Variants in EXTL3 observed in about 807,000 individuals in gnomAD.
EXTL3 encodes exostosin-like 3.
In EXTL3, 27 loss-of-function variants were observed where a neutral mutation model predicts 69.3. The observed-to-expected ratio is 0.39, with a 90% CI of 0.29 to 0.54. EXTL3 has a LOEUF of 0.54. EXTL3 is among the 20% of genes least tolerant of loss of function. The pLI, the probability that EXTL3 is intolerant of heterozygous loss-of-function variation, is 0.69. For synonymous variants in EXTL3, 511 were observed against 499.4 expected, an observed-to-expected ratio of 1.02 and a Z score of -0.31; for missense variants, 1,003 against 1,231.8, an observed-to-expected ratio of 0.81 and a Z score of 2.78.
chr8:28,714,342 A>G (rs1354432304), intron 2 of EXTL3, among the ~76,000 whole-genome samples: 1 of 152,226 alleles, frequency 6.6e-6, no homozygotes, highest in Non-Finnish European at 1.5e-5. Context: ...CTGAAACATA[A>G]TTAAAATTAT....
At chr8:28,685,241 TG>T (rs2130666921) in intron 1 of EXTL3, among the ~76,000 whole-genome samples, 1 of 152,258 alleles carries the variant, frequency 6.6e-6, no homozygotes, top group East Asian at 1.9e-4. Context: ...TGAGCCACCA[TG>T]CCCAGCCAAG....
intron 1 of EXTL3, among the ~76,000 whole-genome samples, chr8:28,682,270 G>A (rs1221914488): frequency 6.6e-6 from 1 of 152,006 alleles, no homozygotes; most frequent in Admixed American, 6.6e-5. Flanking sequence ...TATCTGTTCA[G>A]GTCCTTTGCT....
At chr8:28,681,778 G>A (rs1356113438) in intron 1 of EXTL3, among the ~76,000 whole-genome samples, 1 of 151,808 alleles carries the variant, frequency 6.6e-6, no homozygotes. Context: ...TATAGGCTGG[G>A]CATGGTAGCT....
chr8:28,699,264 A>C (rs1252590128), upstream of EXTL3, among the ~76,000 whole-genome samples: 1 of 152,230 alleles, frequency 6.6e-6, no homozygotes, highest in Non-Finnish European at 1.5e-5. Context: ...TCTGCTGTAA[A>C]GGACCAGCTT....
chr8:28,643,535 C>G (rs1046078010), intron 1 of EXTL3, among the ~76,000 whole-genome samples: 5 of 151,930 alleles, frequency 3.3e-5, no homozygotes, highest in African/African-American at 1.2e-4. Flanking sequence ...CTGCCTCAGC[C>G]TCCCGAGTAG....
intron 1 of EXTL3, among the ~76,000 whole-genome samples, chr8:28,668,114 A>G (rs1291596761): frequency 1.3e-5 from 2 of 151,748 alleles, no homozygotes; most frequent in Non-Finnish European, 2.9e-5. Flanking sequence ...TAAAACTGAA[A>G]AAATTATTCG....
chr8:28,665,893 A>G (rs1807189439), intron 1 of EXTL3, among the ~76,000 whole-genome samples: 1 of 152,206 alleles, frequency 6.6e-6, no homozygotes, highest in Non-Finnish European at 1.5e-5. Context: ...AGCTTTAATG[A>G]ATTATCCTAA....
chr8:28,699,756 C>T, upstream of EXTL3: 1 of 152,270 alleles, frequency 6.6e-6, no homozygotes, highest in East Asian at 1.9e-4. Flanking sequence ...ATCCACCTGC[C>T]TGGGCCTCCC....
At chr8:28,651,722 C>A (rs1806923922) in intron 1 of EXTL3, among the ~76,000 whole-genome samples, 2 of 152,210 alleles carry the variant, frequency 1.3e-5, no homozygotes, top group Non-Finnish European at 2.9e-5. Flanking sequence ...AAATTTCCCA[C>A]TTAAGCCACT....
chr8:28,681,505 G>A (rs1274946914), intron 1 of EXTL3, among the ~76,000 whole-genome samples: 1 of 151,870 alleles, frequency 6.6e-6, no homozygotes, highest in Non-Finnish European at 1.5e-5. Context: ...ATGACAGAGC[G>A]AGACTCTGTC....
At chr8:28,671,160 T>A (rs973232149) in intron 1 of EXTL3, among the ~76,000 whole-genome samples, 4 of 151,974 alleles carry the variant, frequency 2.6e-5, no homozygotes, top group African/African-American at 9.7e-5. Context: ...TTTTGTATTT[T>A]TAGTAGAGAC....
chr8:28,635,392 TAAAAA>T (rs372980960), intron 1 of EXTL3, among the ~76,000 whole-genome samples: 12,479 of 114,290 alleles, frequency 0.11, 1,843 homozygotes, highest in African/African-American at 0.36. Flanking sequence ...ACTGGTCTCT[TAAAAA>T]AAAAAAAAAA....
chr8:28,620,836 C>A (rs1806401797), upstream of EXTL3, among the ~76,000 whole-genome samples: 2 of 152,244 alleles, frequency 1.3e-5, no homozygotes, highest in Non-Finnish European at 2.9e-5. Flanking sequence ...CCTGCCTCAG[C>A]CTACTAAGTA....
At chr8:28,732,172 C>T (rs1801551126) in intron 4 of EXTL3, among the ~76,000 whole-genome samples, 1 of 152,034 alleles carries the variant, frequency 6.6e-6, no homozygotes, top group Non-Finnish European at 1.5e-5. Context: ...CTGAAGGATC[C>T]CACTTGAGGG....
chr8:28,636,936 C>T (rs1349074901), intron 1 of EXTL3, among the ~76,000 whole-genome samples: 1 of 151,584 alleles, frequency 6.6e-6, no homozygotes, highest in East Asian at 1.9e-4. Flanking sequence ...AAGCTGAGAT[C>T]CCGCCATTGC....
chr8:28,630,240 T>TGCACA (rs1806552517), intron 1 of EXTL3, among the ~76,000 whole-genome samples: 2 of 152,174 alleles, frequency 1.3e-5, no homozygotes, highest in South Asian at 4.2e-4. Context: ...GGAGTTCTCC[T>TGCACA]GCACACACAC....
intron 1 of EXTL3, among the ~76,000 whole-genome samples, chr8:28,690,983 G>A (rs1800605864): frequency 6.6e-6 from 1 of 152,120 alleles, no homozygotes; most frequent in Non-Finnish European, 1.5e-5. Context: ...TGTATTGCAG[G>A]GGTGAAGTTG....
chr8:28,755,956 C>T (rs113572991), downstream of EXTL3, among the ~76,000 whole-genome samples: 17 of 152,322 alleles, frequency 1.1e-4, no homozygotes, highest in African/African-American at 3.1e-4. Flanking sequence ...TCCCTTCACC[C>T]ATCCTGCCAT....
Position 28,743,190 on chromosome 8 carries a change from C to T in EXTL3, c.2526C>T (p.His842=). 6.2e-7 allele frequency: 1 copy of T among 1,614,248 alleles called. No homozygotes were observed. Among genetic ancestry groups the T allele is most frequent in the South Asian group, 1.1e-5 (1 of 91,090 alleles). The change falls in exon 6 of 7, where the codon CAC becomes CAT. Residue 842 remains histidine, a synonymous_variant. Coordinates refer to ENST00000220562, the MANE Select transcript of EXTL3 (RefSeq NM_001440.4). ...TTGCCATGAACTTCCTTGTCTCCCA[C>T]ATCACTCGGAAGCCCCCCATCAAGG... The part of the protein sequence containing the change: ...EDIAMNFLVS[H]ITRKPPIKVT...
Sources: allele counts gnomAD v4.1 joint callset (sites outside exome capture counted in the v4.1 genomes callset), GRCh38; gene constraint gnomAD v4.1.1; transcripts MANE v1.5; gene names NCBI Gene and HGNC (gene_info 2026-07-23, HGNC 2026-07-21).